GRIP1: variants seen among roughly 807,000 people sequenced by gnomAD.
GRIP1 encodes glutamate receptor interacting protein 1.
A neutral mutation model predicts 129.9 loss-of-function variants in GRIP1; 45 were observed. The observed-to-expected ratio is 0.35, with a 90% CI of 0.27 to 0.44. The LOEUF is 0.44. Among genes scored for constraint, GRIP1 ranks in the 20% least tolerant of loss-of-function variants. The pLI, the probability that GRIP1 is intolerant of heterozygous loss-of-function variation, is 1.00. For synonymous variants in GRIP1, 530 were observed against 520.8 expected (o/e 1.02, Z -0.24); for missense variants, 1,196 against 1,396.8 (o/e 0.86, Z 2.29).
chr12:67,030,126 G>T (rs1338413818), intron 1 of GRIP1, among the ~76,000 whole-genome samples: 1 of 150,990 alleles, frequency 6.6e-6, no homozygotes, highest in South Asian at 2.1e-4. Flanking sequence ...CAGGAGAATG[G>T]CATGAACCCG....
intron 10 of GRIP1, 104 bp from the exon 11 acceptor site, chr12:66,455,668 C>G: frequency 9.4e-7 from 1 of 1,066,626 alleles, no homozygotes; most frequent in Non-Finnish European, 1.4e-6. Context: ...TGATGCATAG[C>G]AATGGCTAGG....
chr12:66,718,121 A>G (rs1211013550), intron 1 of GRIP1, among the ~76,000 whole-genome samples: 1 of 151,960 alleles, frequency 6.6e-6, no homozygotes, highest in Non-Finnish European at 1.5e-5. Context: ...GACTCTTCCC[A>G]CTACATCCAC....
At chr12:66,741,024 G>A (rs1168753210) in intron 1 of GRIP1, among the ~76,000 whole-genome samples, 2 of 152,104 alleles carry the variant, frequency 1.3e-5, no homozygotes, top group East Asian at 3.9e-4. Flanking sequence ...TTTGACCAAG[G>A]CTCCTTGAAA....
intron 1 of GRIP1, among the ~76,000 whole-genome samples, chr12:66,988,071 A>C (rs1230250293): frequency 6.6e-6 from 1 of 152,234 alleles, no homozygotes; most frequent in East Asian, 1.9e-4. Flanking sequence ...CAAGTGACAA[A>C]AGAAACAATA....
intron 2 of GRIP1, among the ~76,000 whole-genome samples, chr12:66,594,409 G>A (rs572429131): frequency 7.2e-5 from 11 of 152,270 alleles, no homozygotes; most frequent in South Asian, 2.1e-4. Flanking sequence ...AGCCCAGGAC[G>A]GCTTTGAATG....
chr12:66,513,525 T>C (rs1409613124), intron 7 of GRIP1, among the ~76,000 whole-genome samples: 1 of 152,114 alleles, frequency 6.6e-6, no homozygotes, highest in African/African-American at 2.4e-5. Flanking sequence ...CATATCTATA[T>C]CTATAATGGG....
chr12:66,491,530 T>A (rs1242451895), intron 7 of GRIP1, among the ~76,000 whole-genome samples: 40 of 152,128 alleles, frequency 2.6e-4, no homozygotes, highest in Admixed American at 2.6e-3. Context: ...GCTTAATACC[T>A]AGGTGATGGG....
intron 1 of GRIP1, among the ~76,000 whole-genome samples, chr12:66,721,328 G>A (rs1324751922): frequency 6.6e-6 from 1 of 152,000 alleles, no homozygotes; most frequent in Non-Finnish European, 1.5e-5. Flanking sequence ...GTGCTGGAGT[G>A]CAGTGGCAGT....
At chr12:67,045,433 T>C (rs1191260157) in intron 1 of GRIP1, among the ~76,000 whole-genome samples, 1 of 152,128 alleles carries the variant, frequency 6.6e-6, no homozygotes, top group Non-Finnish European at 1.5e-5. Context: ...AGAACATCTG[T>C]GCTATGTTGC....
At chr12:66,733,742 A>G (rs2036511017) in intron 1 of GRIP1, among the ~76,000 whole-genome samples, 1 of 152,208 alleles carries the variant, frequency 6.6e-6, no homozygotes, top group Non-Finnish European at 1.5e-5. Flanking sequence ...CCCATCCATC[A>G]GTAAAATAGG....
chr12:66,998,036 T>C (rs989926196), intron 1 of GRIP1, among the ~76,000 whole-genome samples: 1 of 152,186 alleles, frequency 6.6e-6, no homozygotes, highest in Non-Finnish European at 1.5e-5. Context: ...GTTTGAATTT[T>C]CCCCTGTAAT....
intron 1 of GRIP1, among the ~76,000 whole-genome samples, chr12:66,751,441 C>T (rs1006058033): frequency 6.6e-5 from 10 of 152,144 alleles, no homozygotes; most frequent in African/African-American, 2.4e-4. Flanking sequence ...ACCTCTTGCA[C>T]ACACTTCAGA....
At chr12:66,810,181 C>A (rs1476227105) in intron 1 of GRIP1, among the ~76,000 whole-genome samples, 1 of 152,134 alleles carries the variant, frequency 6.6e-6, no homozygotes, top group Non-Finnish European at 1.5e-5. Flanking sequence ...ATTCACTGTA[C>A]ACTAAAACTG....
At chr12:66,830,282 T>TTAAA (rs2039492726) in intron 1 of GRIP1, among the ~76,000 whole-genome samples, 1 of 152,122 alleles carries the variant, frequency 6.6e-6, no homozygotes. Context: ...GTAGATGCCC[T>TTAAA]TAAATCAAGG....
At chr12:66,496,474 C>T (rs2060242672) in intron 7 of GRIP1, among the ~76,000 whole-genome samples, 1 of 152,186 alleles carries the variant, frequency 6.6e-6, no homozygotes, top group Admixed American at 6.5e-5. Flanking sequence ...GAGGGCTGAA[C>T]ACAAGGTCAT....
intron 1 of GRIP1, among the ~76,000 whole-genome samples, chr12:66,622,915 C>T (rs1391118617): frequency 6.6e-6 from 1 of 152,130 alleles, no homozygotes; most frequent in Non-Finnish European, 1.5e-5. Flanking sequence ...TCCTGCGGCA[C>T]CCCATATGTT....
intron 2 of GRIP1, among the ~76,000 whole-genome samples, chr12:66,579,001 G>T (rs1205669199): frequency 6.6e-6 from 1 of 152,166 alleles, no homozygotes; most frequent in Admixed American, 6.5e-5. Context: ...CTAACTGGGA[G>T]GCACCCCCCA....
chr12:66,988,765 TA>T (rs1203421669), intron 1 of GRIP1, among the ~76,000 whole-genome samples: 14 of 152,196 alleles, frequency 9.2e-5, no homozygotes, highest in Admixed American at 7.9e-4. Context: ...TGATATATAA[TA>T]TGGTTTTTTC....
At chr12:66,803,709 A>G (rs1282579925) in intron 1 of GRIP1, among the ~76,000 whole-genome samples, 1 of 152,208 alleles carries the variant, frequency 6.6e-6, no homozygotes, top group Non-Finnish European at 1.5e-5. Flanking sequence ...AGCCTTCCCT[A>G]TTCTGAAAGA....
Sources: gnomAD v4.1 joint callset for allele counts (sites outside exome capture counted in the v4.1 genomes callset) on GRCh38, gnomAD v4.1.1 for gene constraint, MANE v1.5 for transcripts, NCBI Gene and HGNC (gene_info 2026-07-23, HGNC 2026-07-21) for gene names.